Variants in CKAP5 observed in about 807,000 individuals in gnomAD.
The protein encoded by CKAP5 is cytoskeleton associated protein 5.
A neutral mutation model predicts 232.8 loss-of-function variants in CKAP5; 27 were observed. The ratio of observed to expected loss-of-function variants is 0.12; its 90% CI spans 0.09 to 0.16. The LOEUF is 0.16. CKAP5 is among the 10% of genes least tolerant of loss of function. The probability of loss-of-function intolerance (pLI) is 1.00; values close to 1 mark genes in which losing one functional copy is unlikely to be tolerated. For missense variants in CKAP5, 1,838 were observed against 2,424.7 expected (o/e 0.76, Z 5.08); for synonymous variants, 785 against 841.1 (o/e 0.93, Z 1.16).
chr11:46,802,650 C>T (rs1461020899), intron 8 of CKAP5, among the ~76,000 whole-genome samples: 2 of 152,044 alleles, frequency 1.3e-5, no homozygotes, highest in Non-Finnish European at 2.9e-5. Context: ...GCCCCCAACT[C>T]TTCTTTTTTC....
intron 1 of CKAP5, 128 bp from the exon 2 acceptor site, chr11:46,821,396 T>C: frequency 2.2e-6 from 1 of 449,120 alleles, no homozygotes; most frequent in Non-Finnish European, 3.9e-6. Flanking sequence ...TTTCGTCAGA[T>C]CCCCACTTAA....
At chr11:46,745,324 A>G (rs1323025353) in intron 42 of CKAP5, among the ~76,000 whole-genome samples, 1 of 152,200 alleles carries the variant, frequency 6.6e-6, no homozygotes, top group Non-Finnish European at 1.5e-5. Flanking sequence ...TCCAGGGAAA[A>G]AGGACTCCTT....
intron 11 of CKAP5, 39 bp downstream of exon 11, chr11:46,797,766 G>T (rs1218031845): frequency 2.6e-6 from 4 of 1,564,486 alleles, no homozygotes; most frequent in Non-Finnish European, 3.5e-6. Flanking sequence ...ATCTTGCCTA[G>T]GTATAAAATA....
chr11:46,759,361 C>T lies in CKAP5; in HGVS notation c.4476G>A (p.Glu1492=). The part of the protein sequence containing the change: ...REFQLDLDEI[E]NDNGTVRCEM... Reference sequence around the variant, plus strand: ...CACATCGGACTGTACCATTGTCATTCTCAATCTCATCTAGATCCAGCTGGA... The same window carrying T: ...CACATCGGACTGTACCATTGTCATTTTCAATCTCATCTAGATCCAGCTGGA... Residue 1492 remains glutamate (E), a synonymous_variant, in exon 34 of 44, where the codon GAG becomes GAA. Coordinates refer to ENST00000529230, the MANE Select transcript of CKAP5 (RefSeq NM_001008938.4). 1 of 1,614,014 alleles carries T rather than the reference C, an allele frequency of 6.2e-7. No individual in the cohort carries two copies.
intron 1 of CKAP5, among the ~76,000 whole-genome samples, chr11:46,839,349 G>A (rs1217265058): frequency 2.0e-5 from 3 of 152,144 alleles, no homozygotes; most frequent in African/African-American, 7.2e-5. Flanking sequence ...ACATCAAGTA[G>A]GTAGAGTAAC....
chr11:46,788,088 A>C (rs1186139390), intron 16 of CKAP5, among the ~76,000 whole-genome samples: 2 of 152,240 alleles, frequency 1.3e-5, no homozygotes, highest in Non-Finnish European at 2.9e-5. Flanking sequence ...ACCATTCAAA[A>C]TATGTTAACT....
chr11:46,823,458 C>T (rs1029955437), intron 1 of CKAP5, among the ~76,000 whole-genome samples: 12 of 152,208 alleles, frequency 7.9e-5, no homozygotes, highest in African/African-American at 2.6e-4. Context: ...CCCCTTACAA[C>T]ATTTTTGTTA....
At chr11:46,799,315 C>CA (rs1938972382) in intron 9 of CKAP5, among the ~76,000 whole-genome samples, 1 of 152,090 alleles carries the variant, frequency 6.6e-6, no homozygotes, top group Non-Finnish European at 1.5e-5. Context: ...CAATGGCATC[C>CA]AAAAACAAGA....
chr11:46,759,075 C>T (rs2065134836), intron 34 of CKAP5, 32 bp from the exon 35 acceptor site: 1 of 1,609,276 alleles, frequency 6.2e-7, no homozygotes, highest in South Asian at 1.1e-5. Flanking sequence ...AAACTTCAAC[C>T]TCTATTACAA....
intron 2 of CKAP5, among the ~76,000 whole-genome samples, chr11:46,819,124 A>G (rs1939470115): frequency 6.6e-6 from 1 of 152,218 alleles, no homozygotes; most frequent in Admixed American, 6.5e-5. Flanking sequence ...AGGAGAAGCA[A>G]CTTGGTGCTA....
chr11:46,839,157 A>T (rs1461058080), intron 1 of CKAP5, among the ~76,000 whole-genome samples: 1 of 152,262 alleles, frequency 6.6e-6, no homozygotes, highest in East Asian at 1.9e-4. Flanking sequence ...GTGAAGTAAA[A>T]GTGACCAAGA....
At chr11:46,804,661 GAGGAA>G (rs1200033224) in intron 8 of CKAP5, among the ~76,000 whole-genome samples, 6 of 152,160 alleles carry the variant, frequency 3.9e-5, no homozygotes, top group South Asian at 2.1e-4. Flanking sequence ...ACCGTTGACA[GAGGAA>G]AGGAAACAAA....
chr11:46,809,764 A>C lies in CKAP5; in HGVS notation c.741T>G (p.Ser247=). The part of the protein sequence containing the change: ...ELEAKLEQQQ[S]AGGDAEGGGD... ...TACCTCCTTCAGCATCTCCACCAGC[A>C]GACTGTTGTTGTTCCAATTTAGCTT... is the stretch of plus-strand genomic sequence containing the variant. The change falls in exon 6 of 44, where the codon TCT becomes TCG. Residue 247 remains serine, a synonymous_variant. Transcript: ENST00000529230. 1.2e-6 allele frequency: 2 copies of C among 1,614,150 alleles called. No homozygotes were observed. The highest frequency in any genetic ancestry group is 1.7e-6 in the Non-Finnish European group (2 of 1,180,036).
At chr11:46,755,592 G>C (rs1403179451) in intron 35 of CKAP5, among the ~76,000 whole-genome samples, 1 of 151,864 alleles carries the variant, frequency 6.6e-6, no homozygotes, top group Non-Finnish European at 1.5e-5. Context: ...ATTAGTCACA[G>C]GTTCGATTCT....
intron 29 of CKAP5, 54 bp from the exon 30 acceptor site, chr11:46,763,233 T>G (rs574430055): frequency 2.2e-6 from 3 of 1,380,328 alleles, no homozygotes; most frequent in Non-Finnish European, 3.0e-6. Context: ...AAAATCTTAA[T>G]TCTACTAGGC....
At chr11:46,780,990 T>G (rs2065336845) in intron 18 of CKAP5, among the ~76,000 whole-genome samples, 1 of 152,200 alleles carries the variant, frequency 6.6e-6, no homozygotes, top group African/African-American at 2.4e-5. Context: ...TATGCTTAAT[T>G]ACAACTCCTA....
At chr11:46,829,946 G>A (rs967922953) in intron 1 of CKAP5, among the ~76,000 whole-genome samples, 10 of 149,764 alleles carry the variant, frequency 6.7e-5, no homozygotes, top group African/African-American at 1.7e-4. Context: ...AAGAAATCAC[G>A]TTGTAATCCC....
chr11:46,789,304 G>A (rs1021068046), intron 15 of CKAP5, among the ~76,000 whole-genome samples: 3 of 152,086 alleles, frequency 2.0e-5, no homozygotes, highest in Admixed American at 6.6e-5. Context: ...AGAATCACCC[G>A]GTATATGCCA....
At chr11:46,827,229 C>T (rs758676029) in intron 1 of CKAP5, among the ~76,000 whole-genome samples, 7 of 152,084 alleles carry the variant, frequency 4.6e-5, no homozygotes, top group Non-Finnish European at 8.8e-5. Flanking sequence ...AGATACATAG[C>T]CCCTCATTAT....
Sources: allele counts gnomAD v4.1 joint callset (sites outside exome capture counted in the v4.1 genomes callset), GRCh38; gene constraint gnomAD v4.1.1; transcripts MANE v1.5; gene names NCBI Gene and HGNC (gene_info 2026-07-23, HGNC 2026-07-21).